MID1: variants seen among roughly 807,000 people sequenced by gnomAD.
MID1 encodes midline 1, also known as E3 ubiquitin-protein ligase Midline-1.
A neutral mutation model predicts 40.4 loss-of-function variants in MID1; 7 were observed. The observed-to-expected ratio is 0.17, with a 90% CI of 0.10 to 0.33. The LOEUF (loss-of-function observed/expected upper bound fraction) is 0.33, where lower values mean the gene tolerates loss of function less well. MID1 is among the 10% of genes least tolerant of loss of function. MID1 has a pLI of 1.00. For synonymous variants in MID1, 229 were observed against 221.2 expected (o/e 1.04, Z -0.31); for missense variants, 367 against 558.5 (o/e 0.66, Z 3.46).
chrX:10,555,213 G>A (rs977212380), intron 2 of MID1, among the ~76,000 whole-genome samples: 9 of 111,856 alleles, frequency 8.0e-5, no homozygotes, highest in African/African-American at 2.6e-4. Context: ...GCATCCAGCC[G>A]GCTTTTTTCA....
chrX:10,506,391 A>G (rs1357395952), intron 3 of MID1: 1 of 1,062,025 alleles, frequency 9.4e-7, no homozygotes, highest in East Asian at 3.3e-5. Flanking sequence ...AGGGACAACT[A>G]CGAAGCCAGT....
At chrX:10,719,524 A>T in intron 1 of MID1, among the ~76,000 whole-genome samples, 1 of 111,336 alleles carries the variant, frequency 9.0e-6, no homozygotes, top group Non-Finnish European at 1.9e-5. Flanking sequence ...AGAACTACAA[A>T]CCACTGCTCA....
chrX:10,761,151 T>A (rs1406494975), intron 1 of MID1, among the ~76,000 whole-genome samples: 1 of 111,521 alleles, frequency 9.0e-6, no homozygotes, highest in Non-Finnish European at 1.9e-5. Flanking sequence ...AGGAGATGAT[T>A]CCTTTTACCA....
chrX:10,478,706 T>C (rs1369690445), intron 5 of MID1, among the ~76,000 whole-genome samples: 1 of 112,083 alleles, frequency 8.9e-6, no homozygotes, highest in Non-Finnish European at 1.9e-5. Context: ...CTCTCCCCTT[T>C]TGGAGTTGTT....
Position 10,718,834 on chromosome X carries a change from A to T in MID1, c.-186-98415T>A, listed in dbSNP as rs772101495. Among the ~76,000 whole-genome samples the T allele has an allele frequency of 9.8e-5, 11 of 111,956 alleles. No individual in the cohort carries two copies. The East Asian group carries it at 3.1e-3, about 31-fold the overall frequency. ...GCAAACCGAATCCAGCAGCACATCAAAAAGCTTATCCACTATGATCAAGTG... is the reference window on the plus strand; with the variant it reads ...GCAAACCGAATCCAGCAGCACATCATAAAGCTTATCCACTATGATCAAGTG... On this transcript the variant is annotated intron_variant, in intron 1 of 10. Coordinates refer to the MID1 transcript ENST00000380785.
At chrX:10,585,191 G>A (rs750990249) in intron 1 of MID1, among the ~76,000 whole-genome samples, 31 of 111,356 alleles carry the variant, frequency 2.8e-4, no homozygotes, top group African/African-American at 9.2e-4. Flanking sequence ...GTTGCTAGGC[G>A]CCGGGCTACC....
chrX:10,694,641 G>A (rs370125295), intron 1 of MID1, among the ~76,000 whole-genome samples: 15 of 112,159 alleles, frequency 1.3e-4, no homozygotes, highest in Middle Eastern at 4.6e-3. Flanking sequence ...GAAAACACTT[G>A]TACAAAGACC....
intron 4 of MID1, among the ~76,000 whole-genome samples, chrX:10,494,967 A>G (rs1931166364): frequency 2.7e-5 from 3 of 111,463 alleles, no homozygotes; most frequent in African/African-American, 9.8e-5. Flanking sequence ...GAAAGCAGCT[A>G]TAAAGAATGT....
chrX:10,497,006 G>A, intron 3 of MID1, among the ~76,000 whole-genome samples: 1 of 112,331 alleles, frequency 8.9e-6, no homozygotes, highest in Non-Finnish European at 1.9e-5. Flanking sequence ...TACAAATGTG[G>A]AACTCAGGCT....
chrX:10,803,680 A>T (rs2044025162), intron 1 of MID1, among the ~76,000 whole-genome samples: 1 of 110,985 alleles, frequency 9.0e-6, no homozygotes, highest in Admixed American at 9.6e-5. Context: ...AGATTTTGGT[A>T]TTGTCTTTAG....
chrX:10,741,030 T>G (rs1010553688), intron 1 of MID1, among the ~76,000 whole-genome samples: 3 of 112,145 alleles, frequency 2.7e-5, no homozygotes, highest in Non-Finnish European at 5.6e-5. Flanking sequence ...CTGATGTAGC[T>G]TGGCTTGCAG....
chrX:10,469,216 TG>T, intron 7 of MID1: 2 of 376,401 alleles, frequency 5.3e-6, no homozygotes. Flanking sequence ...GGACTACAGG[TG>T]TGTGTCACCA....
At chrX:10,698,285 C>A (rs960757867) in intron 1 of MID1, among the ~76,000 whole-genome samples, 1 of 111,836 alleles carries the variant, frequency 8.9e-6, no homozygotes, top group Non-Finnish European at 1.9e-5. Context: ...AATGAAATAG[C>A]CTCATAACAC....
intron 1 of MID1, among the ~76,000 whole-genome samples, chrX:10,722,159 T>C (rs1248531067): frequency 9.0e-6 from 1 of 111,289 alleles, no homozygotes; most frequent in Non-Finnish European, 1.9e-5. Flanking sequence ...TATCCAGAGG[T>C]TGGGAGACAG....
At chrX:10,779,814 C>T (rs2043831822) in intron 1 of MID1, among the ~76,000 whole-genome samples, 1 of 110,959 alleles carries the variant, frequency 9.0e-6, no homozygotes, top group African/African-American at 3.3e-5. Context: ...TGAGTACTTG[C>T]TTGTTTGCTT....
chrX:10,658,009 CAT>C (rs778546739), intron 1 of MID1, among the ~76,000 whole-genome samples: 3 of 111,482 alleles, frequency 2.7e-5, no homozygotes, highest in African/African-American at 9.7e-5. Flanking sequence ...AAATATTACA[CAT>C]GTTTACACTC....
intron 5 of MID1, among the ~76,000 whole-genome samples, chrX:10,481,937 C>A (rs753145874): frequency 2.7e-5 from 3 of 111,888 alleles, no homozygotes; most frequent in Non-Finnish European, 5.6e-5. Flanking sequence ...AAAAGAAGCC[C>A]GTATGAGGTT....
At chrX:10,823,181 A>T (rs891284842) in intron 1 of MID1, among the ~76,000 whole-genome samples, 2 of 111,672 alleles carry the variant, frequency 1.8e-5, no homozygotes, top group African/African-American at 6.5e-5. Flanking sequence ...AGGGACATGG[A>T]TGGAGCTGGA....
intron 1 of MID1, among the ~76,000 whole-genome samples, chrX:10,710,641 A>C (rs965740274): frequency 5.4e-5 from 6 of 110,942 alleles, no homozygotes; most frequent in Admixed American, 4.9e-4. Flanking sequence ...CATATTCCCC[A>C]AATTCTTTCC....
Sources: allele counts gnomAD v4.1 joint callset (sites outside exome capture counted in the v4.1 genomes callset), GRCh38; gene constraint gnomAD v4.1.1; transcripts MANE v1.5; gene names NCBI Gene and HGNC (gene_info 2026-07-23, HGNC 2026-07-21).